Variants in NFATC1 observed in about 807,000 individuals in gnomAD.
NFATC1 encodes nuclear factor of activated T cells 1.
A neutral mutation model predicts 76.0 loss-of-function variants in NFATC1; 22 were observed. The observed-to-expected ratio is 0.29, with a 90% CI of 0.21 to 0.41. The LOEUF (loss-of-function observed/expected upper bound fraction) is 0.41, where lower values mean the gene tolerates loss of function less well. Among genes scored for constraint, NFATC1 ranks in the 10% least tolerant of loss-of-function variants. The probability of loss-of-function intolerance (pLI) is 1.00; values close to 1 mark genes in which losing one functional copy is unlikely to be tolerated. For missense variants in NFATC1, 1,357 were observed against 1,337.7 expected, an observed-to-expected ratio of 1.01 and a Z score of -0.23; for synonymous variants, 704 against 613.1, an observed-to-expected ratio of 1.15 and a Z score of -2.19.
chr18:79,411,098 C>G lies in NFATC1; in HGVS notation c.823C>G (p.Pro275Ala). The G allele has an allele frequency of 1.9e-6, 3 of 1,612,090 alleles. No individual in the cohort carries two copies. Among genetic ancestry groups the G allele is most frequent in the Non-Finnish European group, 2.5e-6 (3 of 1,179,576 alleles). ...GAAGTACAGCCTCAACGGCCGGCAG[C>G]CGCCCTACTCACCCCACCACTCGCC... ...KRKYSLNGRQ[P>A]PYSPHHSPTP... Residue 275 changes from proline (P) to alanine (A), a missense_variant, in exon 2 of 10, where the codon CCG becomes GCG. Pro to Ala is a conservative substitution (Grantham distance 27). Around this residue, in one of 3 missense-constraint regions of NFATC1, gnomAD observed 691 missense variants for 613.1 expected, o/e 1.13. Transcript: ENST00000427363.
At chr18:79,451,198 C>G in intron 5 of NFATC1, 72 bp downstream of exon 5, 6 of 1,511,030 alleles carry the variant, frequency 4.0e-6, no homozygotes, top group Non-Finnish European at 4.5e-6. Flanking sequence ...CTCACCCGCT[C>G]TCAGCTTTTC....
At chr18:79,422,968 C>T (rs2086151156) in intron 2 of NFATC1, among the ~76,000 whole-genome samples, 3 of 151,568 alleles carry the variant, frequency 2.0e-5, no homozygotes, top group African/African-American at 7.3e-5. Context: ...AGCTCAGCTT[C>T]TCACCCATCC....
intron 2 of NFATC1, chr18:79,421,376 G>A (rs1191317408): frequency 6.6e-6 from 1 of 152,294 alleles, no homozygotes; most frequent in African/African-American, 2.4e-5. Context: ...CAGGTCGAGT[G>A]TGTTTCCAGA....
intron 7 of NFATC1, among the ~76,000 whole-genome samples, chr18:79,461,863 C>T (rs760917552): frequency 6.6e-6 from 1 of 152,210 alleles, no homozygotes; most frequent in South Asian, 2.1e-4. Context: ...CCCCGTCCTC[C>T]GAGGCCACTG....
intron 8 of NFATC1, among the ~76,000 whole-genome samples, chr18:79,479,951 AG>A (rs2089216563): frequency 6.6e-6 from 1 of 152,212 alleles, no homozygotes; most frequent in Non-Finnish European, 1.5e-5. Context: ...GACTTGAGCC[AG>A]ACTTCATGGG....
At chr18:79,494,276 T>G (rs2089797451) in intron 9 of NFATC1, among the ~76,000 whole-genome samples, 1 of 141,308 alleles carries the variant, frequency 7.1e-6, no homozygotes. Context: ...ATGAACCTGG[T>G]ACCGCCGGGG....
intron 8 of NFATC1, among the ~76,000 whole-genome samples, chr18:79,481,057 C>G (rs2145023655): frequency 6.6e-6 from 1 of 152,390 alleles, no homozygotes; most frequent in African/African-American, 2.4e-5. Context: ...GCGTCTCACT[C>G]CCACATCTGG....
At chr18:79,422,342 T>C (rs956152740) in intron 2 of NFATC1, 7 of 152,166 alleles carry the variant, frequency 4.6e-5, no homozygotes, top group African/African-American at 1.7e-4. Context: ...CTGTGAGTAA[T>C]AATGACAGAT....
At chr18:79,441,908 TC>T (rs2086991114) in intron 3 of NFATC1, among the ~76,000 whole-genome samples, 1 of 152,128 alleles carries the variant, frequency 6.6e-6, no homozygotes, top group Non-Finnish European at 1.5e-5. Context: ...ACGTGGTGTT[TC>T]CGGGCAGAAT....
intron 8 of NFATC1, among the ~76,000 whole-genome samples, chr18:79,475,810 T>G (rs1429445804): frequency 6.6e-6 from 1 of 152,216 alleles, no homozygotes. Flanking sequence ...ACGCCAGGCA[T>G]CCTAGCCACC....
chr18:79,438,149 C>T (rs1177084621), intron 3 of NFATC1, among the ~76,000 whole-genome samples: 2 of 152,198 alleles, frequency 1.3e-5, no homozygotes, highest in African/African-American at 2.4e-5. Flanking sequence ...GAGCAGTGCC[C>T]GCCCTGGTCA....
rs369818512 is a variant in NFATC1 at position 79,400,372 on chromosome 18, C to G, written c.127+4021C>G. The stretch of plus-strand genomic sequence containing the variant: ...GCGGCCGCGACCCCGGCTCCCGCCC[C>G]GGCCCCGGCCCGACCCGCCATGACG... On this transcript the variant is annotated intron_variant, in intron 1 of 9. Transcript: ENST00000427363. The G allele has an allele frequency of 1.4e-5, 20 of 1,441,436 alleles. No individual in the cohort carries two copies. In the East Asian group the frequency reaches 3.8e-4, roughly 27 times the overall value. 89.3% of individuals were successfully genotyped at this position (1,441,436 alleles called of 1,614,324 possible). A position where few individuals can be genotyped will look rare whatever the true frequency, so the allele number is the denominator to read the frequency against.
At chr18:79,468,118 C>T (rs1439989100) in intron 8 of NFATC1, 1 of 396,572 alleles carries the variant, frequency 2.5e-6, no homozygotes, top group African/African-American at 2.2e-5. Flanking sequence ...GGCTGGGGCA[C>T]CTTCTCCTCA....
chr18:79,517,931 TTAA>T (rs1470837621), intron 9 of NFATC1, among the ~76,000 whole-genome samples: 10 of 152,266 alleles, frequency 6.6e-5, no homozygotes, highest in Non-Finnish European at 5.9e-5. Flanking sequence ...CTTAAACTTT[TTAA>T]CTGCAAGGAT....
At chr18:79,447,758 T>C (rs1191353852) in intron 3 of NFATC1, among the ~76,000 whole-genome samples, 2 of 152,252 alleles carry the variant, frequency 1.3e-5, no homozygotes, top group Non-Finnish European at 2.9e-5. Flanking sequence ...ACTTGCCTCT[T>C]GCATATGGAA....
chr18:79,508,738 CATCT>C (rs968513508), intron 9 of NFATC1, among the ~76,000 whole-genome samples: 1 of 151,704 alleles, frequency 6.6e-6, no homozygotes, highest in Non-Finnish European at 1.5e-5. Context: ...TCTCTCCATC[CATCT>C]CTCTCCGTCT....
At chr18:79,467,964 C>A (rs1462496634) in intron 8 of NFATC1, 10 of 1,026,140 alleles carry the variant, frequency 9.7e-6, no homozygotes, top group Non-Finnish European at 1.2e-5. Context: ...AGCTATTTTG[C>A]AGGCACCTTT....
At chr18:79,518,515 A>G (rs1420285500) in intron 9 of NFATC1, among the ~76,000 whole-genome samples, 1 of 152,204 alleles carries the variant, frequency 6.6e-6, no homozygotes, top group Non-Finnish European at 1.5e-5. Flanking sequence ...CTCGCTCGTG[A>G]AAGATGCAGA....
intron 3 of NFATC1, among the ~76,000 whole-genome samples, chr18:79,439,905 A>G (rs114798642): frequency 8.2e-4 from 125 of 152,354 alleles, no homozygotes; most frequent in African/African-American, 2.9e-3. Flanking sequence ...CGGCCCAGCC[A>G]GTCACTGCTT....
Sources: gnomAD v4.1 joint callset for allele counts (sites outside exome capture counted in the v4.1 genomes callset) on GRCh38, gnomAD v4.1.1 for gene constraint, gnomAD v4.1.1 regional missense constraint, MANE v1.5 for transcripts, NCBI Gene and HGNC (gene_info 2026-07-23, HGNC 2026-07-21) for gene names.